Variants in RIMS2 observed in about 807,000 individuals in gnomAD.
The protein encoded by RIMS2 is regulating synaptic membrane exocytosis protein 2.
In RIMS2, 59 loss-of-function variants were observed where a neutral mutation model predicts 174.4. The observed-to-expected ratio is 0.34, with a 90% CI of 0.27 to 0.42. The LOEUF (loss-of-function observed/expected upper bound fraction) is 0.42. Among genes scored for constraint, RIMS2 ranks in the 10% least tolerant of loss-of-function variants. The pLI is 1.00. For missense variants in RIMS2, 1,620 were observed against 1,666.3 expected, an observed-to-expected ratio of 0.97 and a Z score of 0.48; for synonymous variants, 606 against 572.5, an observed-to-expected ratio of 1.06 and a Z score of -0.84.
chr8:103,654,358 C>T (rs974254855), intron 1 of RIMS2, among the ~76,000 whole-genome samples: 5 of 151,810 alleles, frequency 3.3e-5, no homozygotes, highest in Non-Finnish European at 7.4e-5. Flanking sequence ...TAAATATAAT[C>T]CAATCTGCTT....
At chr8:103,680,029 C>G (rs984756300) in intron 1 of RIMS2, among the ~76,000 whole-genome samples, 47 of 152,066 alleles carry the variant, frequency 3.1e-4, no homozygotes, top group African/African-American at 1.1e-3. Flanking sequence ...CCTAAATTAG[C>G]TACTGTCTGG....
intron 2 of RIMS2, among the ~76,000 whole-genome samples, chr8:103,708,617 CTT>C (rs935957809): frequency 3.3e-5 from 5 of 152,186 alleles, no homozygotes; most frequent in African/African-American, 1.2e-4. Flanking sequence ...ATCATTCTCT[CTT>C]TCAATATTTT....
At chr8:103,974,664 G>T (rs1271482704) in intron 15 of RIMS2, among the ~76,000 whole-genome samples, 2 of 152,066 alleles carry the variant, frequency 1.3e-5, no homozygotes, top group Non-Finnish European at 2.9e-5. Context: ...TCATTGGGTT[G>T]TTACTCTCTT....
chr8:104,102,834 A>G (rs1313178674), intron 19 of RIMS2, among the ~76,000 whole-genome samples: 1 of 152,152 alleles, frequency 6.6e-6, no homozygotes, highest in Admixed American at 6.5e-5. Flanking sequence ...AATCCCTCCA[A>G]TGACACATGG....
chr8:103,863,353 A>T (rs1049652219), intron 3 of RIMS2, among the ~76,000 whole-genome samples: 2 of 151,974 alleles, frequency 1.3e-5, no homozygotes, highest in African/African-American at 2.4e-5. Flanking sequence ...TTGGTTTGCT[A>T]GTATTTTGTT....
intron 19 of RIMS2, among the ~76,000 whole-genome samples, chr8:104,045,255 A>G (rs1021464819): frequency 1.3e-5 from 2 of 151,732 alleles, no homozygotes; most frequent in African/African-American, 4.8e-5. Flanking sequence ...ACGAGGTCCA[A>G]TTACAGTCAC....
In RIMS2 at chr8:103,822,883, T is replaced by C. The variant is rs116462020; in HGVS notation, c.698+56346T>C. 2.6e-3 allele frequency among the ~76,000 whole-genome samples: 393 copies of C among 152,038 alleles called. 2 individuals carry two copies. The highest frequency in any genetic ancestry group is 8.9e-3 in the African/African-American group (370 of 41,532). On this transcript the variant is annotated intron_variant, in intron 3 of 23. Transcript: ENST00000504942. ...ATTAGTAAAAAAATCAAGTACTGAG[T>C]TCAATATGAAATCTAATTTTTGTGA...
intron 19 of RIMS2, among the ~76,000 whole-genome samples, chr8:104,218,109 C>A (rs972110713): frequency 7.9e-5 from 12 of 152,166 alleles, no homozygotes; most frequent in Non-Finnish European, 1.3e-4. Context: ...TTACCAAGAA[C>A]AAGTGTATAT....
intron 3 of RIMS2, among the ~76,000 whole-genome samples, chr8:103,803,314 T>C (rs986538795): frequency 2.0e-5 from 3 of 152,188 alleles, no homozygotes; most frequent in Admixed American, 1.3e-4. Flanking sequence ...AAAACTAGTG[T>C]TATGTGTCAA....
intron 1 of RIMS2, among the ~76,000 whole-genome samples, chr8:103,636,371 T>C (rs547759768): frequency 6.6e-6 from 1 of 152,326 alleles, no homozygotes; most frequent in South Asian, 2.1e-4. Context: ...TGTCTATGCA[T>C]GCCAGAGCAG....
At chr8:104,128,704 A>T (rs2098450768) in intron 19 of RIMS2, among the ~76,000 whole-genome samples, 1 of 152,224 alleles carries the variant, frequency 6.6e-6, no homozygotes, top group African/African-American at 2.4e-5. Flanking sequence ...TCACAAAAAA[A>T]TAAAAAATAA....
intron 2 of RIMS2, among the ~76,000 whole-genome samples, chr8:103,751,064 G>T (rs2097883212): frequency 6.6e-6 from 1 of 152,100 alleles, no homozygotes; most frequent in Non-Finnish European, 1.5e-5. Flanking sequence ...CTACTCCCAT[G>T]TGAGATGGGC....
chr8:104,225,543 T>A (rs554787687), intron 19 of RIMS2, among the ~76,000 whole-genome samples: 1 of 152,244 alleles, frequency 6.6e-6, no homozygotes, highest in African/African-American at 2.4e-5. Flanking sequence ...CCTTTTTCTT[T>A]AAATTATGAT....
chr8:103,644,380 T>C (rs1355821426), intron 1 of RIMS2, among the ~76,000 whole-genome samples: 2 of 151,904 alleles, frequency 1.3e-5, no homozygotes, highest in Non-Finnish European at 2.9e-5. Flanking sequence ...CAGTTCAGCT[T>C]TTTTTCTCAT....
intron 19 of RIMS2, among the ~76,000 whole-genome samples, chr8:104,029,128 T>C (rs2096326376): frequency 6.6e-6 from 1 of 152,180 alleles, no homozygotes; most frequent in Non-Finnish European, 1.5e-5. Context: ...CTGGAGTAAG[T>C]GCCTTTTAGC....
At chr8:103,777,468 T>C (rs1379188621) in intron 3 of RIMS2, among the ~76,000 whole-genome samples, 1 of 152,006 alleles carries the variant, frequency 6.6e-6, no homozygotes, top group Admixed American at 6.6e-5. Flanking sequence ...GAAAGGAGTT[T>C]TGTACTGGCT....
chr8:103,961,088 G>A (rs1482007267), exon 15 of RIMS2: 3 of 1,504,070 alleles, frequency 2.0e-6, no homozygotes, highest in Non-Finnish European at 2.8e-6. Context: ...AAGTGATAGT[G>A]AAGTCTCTGA....
chr8:103,809,168 C>T (rs1156947304), intron 3 of RIMS2, among the ~76,000 whole-genome samples: 3 of 151,892 alleles, frequency 2.0e-5, no homozygotes, highest in East Asian at 3.9e-4. Context: ...GATCTTTGTA[C>T]ATCTTTATAT....
intron 3 of RIMS2, among the ~76,000 whole-genome samples, chr8:103,833,497 A>C (rs1267255676): frequency 1.3e-5 from 2 of 151,436 alleles, no homozygotes; most frequent in Non-Finnish European, 2.9e-5. Context: ...TTTTCTTTTG[A>C]TTTCTCAGTT....
Sources: gnomAD v4.1 joint callset for allele counts (sites outside exome capture counted in the v4.1 genomes callset) on GRCh38, gnomAD v4.1.1 for gene constraint, MANE v1.5 for transcripts, NCBI Gene and HGNC (gene_info 2026-07-23, HGNC 2026-07-21) for gene names.